Variants in ZDHHC18 observed in about 807,000 individuals in gnomAD.
ZDHHC18 encodes the protein palmitoyltransferase ZDHHC18.
In ZDHHC18, 23 loss-of-function variants were observed where a neutral mutation model predicts 37.5. The observed-to-expected ratio is 0.61, with a 90% CI of 0.44 to 0.87. The LOEUF is 0.87. Ranked by LOEUF, ZDHHC18 falls within the 40% of genes least tolerant of loss-of-function variation. The pLI is 0.00. For missense variants in ZDHHC18, 406 were observed against 525.6 expected (o/e 0.77, Z 2.22); for synonymous variants, 185 against 218.7 (o/e 0.85, Z 1.36).
rs71007896 is a variant in ZDHHC18, at chr1:26,845,320, C to CTTTTTTTTTTTT, written c.497-3267_497-3256dup. On this transcript the variant is annotated intron_variant, in intron 2 of 7. Coordinates refer to ENST00000374142, the MANE Select transcript of ZDHHC18 (RefSeq NM_032283.3). ...CTGCTCTAAAGGTTACTTCTTCATT[C>CTTTTTTTTTTTT]TTTTTTTTTTTTTTTTTTTTTTTTT... Among the ~76,000 whole-genome samples, 55 of 45,202 alleles carry CTTTTTTTTTTTT rather than the reference C, an allele frequency of 1.2e-3. 11 individuals are homozygous for CTTTTTTTTTTTT. Among genetic ancestry groups the CTTTTTTTTTTTT allele is most frequent in the Non-Finnish European group, 1.6e-3 (43 of 26,360 alleles). 29.7% of individuals were successfully genotyped at this position (45,202 alleles called of 152,430 possible). A position where few individuals can be genotyped will look rare whatever the true frequency, so the allele number is the denominator to read the frequency against.
chr1:26,852,683 C>A, intron 6 of ZDHHC18, 70 bp from the exon 7 acceptor site: 1 of 1,388,582 alleles, frequency 7.2e-7, no homozygotes, highest in South Asian at 1.2e-5. Flanking sequence ...TGTCCCCAGC[C>A]TCTAGACCTG....
chr1:26,852,055 C>T (rs1013932314), intron 6 of ZDHHC18, among the ~76,000 whole-genome samples: 1 of 152,226 alleles, frequency 6.6e-6, no homozygotes, highest in Non-Finnish European at 1.5e-5. Flanking sequence ...TTCAGGGAAA[C>T]AAAACTTCAC....
intron 2 of ZDHHC18, among the ~76,000 whole-genome samples, chr1:26,842,590 T>C (rs2124258836): frequency 6.6e-6 from 1 of 152,326 alleles, no homozygotes; most frequent in Admixed American, 6.5e-5. Context: ...ACACAACCAG[T>C]CAATGACAAA....
intron 1 of ZDHHC18, among the ~76,000 whole-genome samples, chr1:26,827,839 C>T (rs1290807546): frequency 6.6e-6 from 1 of 152,130 alleles, no homozygotes; most frequent in East Asian, 1.9e-4. Flanking sequence ...TCCAGAGCTT[C>T]CTGTCCTTCC....
chr1:26,849,782 A>G (rs2124266877), intron 3 of ZDHHC18, among the ~76,000 whole-genome samples: 1 of 152,284 alleles, frequency 6.6e-6, no homozygotes, highest in South Asian at 2.1e-4. Context: ...GTTGACTGTT[A>G]GCATGTGGTT....
intron 3 of ZDHHC18, among the ~76,000 whole-genome samples, chr1:26,849,369 A>T (rs552176865): frequency 1.5e-4 from 23 of 152,220 alleles, no homozygotes; most frequent in African/African-American, 5.5e-4. Flanking sequence ...GAAATAATGC[A>T]TGAGAGGGCC....
chr1:26,827,779 C>A (rs1227378219), intron 1 of ZDHHC18, among the ~76,000 whole-genome samples: 1 of 152,170 alleles, frequency 6.6e-6, no homozygotes, highest in Non-Finnish European at 1.5e-5. Context: ...TTCTCAAAAT[C>A]TTTGGGCCTC....
chr1:26,850,177 GGAGCCAGCT>G lies in ZDHHC18; in HGVS notation c.647-122_647-114del. ...CAGAGGCAGGTGTGTCCAAGGCCTG[GGAGCCAGCT>G]GGTGCTGCGAGAGTGAACGGGGTAG... On this transcript the variant is annotated intron_variant, in intron 3 of 7. Coordinates refer to ENST00000374142, the MANE Select transcript of ZDHHC18 (RefSeq NM_032283.3). The surrounding 1 kb of genome is among the most constrained non-coding windows in gnomAD (Gnocchi z 6.1). 1 of 1,274,108 alleles carries G rather than the reference GGAGCCAGCT, an allele frequency of 7.8e-7. No homozygotes were observed. Among genetic ancestry groups the G allele is most frequent in the East Asian group, 2.5e-5 (1 of 39,474 alleles). The allele number at this position is 1,274,108 out of a possible 1,614,324, so 78.9% of individuals were successfully genotyped here.
chr1:26,850,510 C>T lies in ZDHHC18; in HGVS notation c.785-48C>T, dbSNP rs1239975813. On this transcript the variant is annotated intron_variant, in intron 4 of 7. Transcript: ENST00000374142. This position sits in a 1 kb window ranked among gnomAD's most constrained non-coding sequence, Gnocchi z 6.1. ...AAGCTCAAGGGTCAGCAAGCTTCAGCAGTCACTGTCCCTCTGAGCTTGTCC... is the reference window on the plus strand; with the variant it reads ...AAGCTCAAGGGTCAGCAAGCTTCAGTAGTCACTGTCCCTCTGAGCTTGTCC... The T allele has an allele frequency of 1.2e-6, 2 of 1,614,196 alleles. No individual in the cohort carries two copies. The highest frequency in any genetic ancestry group is 1.7e-5 in the Admixed American group (1 of 60,014).
chr1:26,851,017 A>G (rs2081701026), intron 5 of ZDHHC18, 112 bp from the exon 6 acceptor site: 1 of 1,100,070 alleles, frequency 9.1e-7, no homozygotes, highest in Non-Finnish European at 1.4e-6. Context: ...GAAGGTTCCA[A>G]AACTTCTCAG....
At chr1:26,838,492 C>G (rs148683802) in intron 2 of ZDHHC18, among the ~76,000 whole-genome samples, 27 of 152,278 alleles carry the variant, frequency 1.8e-4, no homozygotes, top group African/African-American at 6.5e-4. Context: ...ATATTTCCCT[C>G]TGTGTTCTTG....
intron 2 of ZDHHC18, among the ~76,000 whole-genome samples, chr1:26,836,293 T>A (rs1163114030): frequency 2.0e-5 from 3 of 152,156 alleles, no homozygotes; most frequent in Admixed American, 2.0e-4. Context: ...CTCCAGGACG[T>A]CTCTGCCCAC....
intron 2 of ZDHHC18, among the ~76,000 whole-genome samples, chr1:26,847,848 C>G (rs990539515): frequency 3.3e-5 from 5 of 152,038 alleles, no homozygotes; most frequent in Non-Finnish European, 5.9e-5. Flanking sequence ...CACCCGACCT[C>G]CTCTCTCTTT....
At chr1:26,830,518 TACAGTAACTATCTGTACATAGC>T (rs1557639625) in intron 1 of ZDHHC18, among the ~76,000 whole-genome samples, 2 of 152,106 alleles carry the variant, frequency 1.3e-5, no homozygotes, top group Non-Finnish European at 1.5e-5. Context: ...ATCTACATAG[TACAGTAACTATCTGTACATAGC>T]ACAGTAACTA....
In ZDHHC18 at chr1:26,853,800, G is replaced by A. The variant is rs771719136; in HGVS notation, c.1124G>A (p.Cys375Tyr). ...CCCATCAGAAGCGATGAGCCAGCCT[G>A]CAGAGCCAAGCCTGATGCCAGCATG... ...PSPIRSDEPA[C>Y]RAKPDASMVG... The change falls in exon 8 of 8, where the codon TGC becomes TAC. Residue 375 changes from cysteine to tyrosine, a missense_variant. By Grantham distance (194) the Cys-to-Tyr change is radical. Transcript: ENST00000374142. 3.7e-6 allele frequency: 6 copies of A among 1,613,932 alleles called. No individual in the cohort carries two copies. Among genetic ancestry groups the A allele is most frequent in the South Asian group, 1.1e-5 (1 of 91,082 alleles).
intron 1 of ZDHHC18, among the ~76,000 whole-genome samples, 157 bp from the exon 2 acceptor site, chr1:26,832,290 T>G (rs1480573145): frequency 6.6e-6 from 1 of 152,188 alleles, no homozygotes; most frequent in South Asian, 2.1e-4. Flanking sequence ...GGGGAGTGGC[T>G]GCACTCATCA....
intron 2 of ZDHHC18, among the ~76,000 whole-genome samples, chr1:26,840,562 C>T (rs2081632619): frequency 6.6e-6 from 1 of 150,818 alleles, no homozygotes; most frequent in African/African-American, 2.4e-5. Flanking sequence ...CTGCCTCAGC[C>T]TCCCGAGTAG....
chr1:26,850,480 C>T lies in ZDHHC18; in HGVS notation c.784+42C>T. ...GGCAGTGGGGAGTGGAAGGGGTCAGCCAGCAAGCTCAAGGGTCAGCAAGCT... is the reference window on the plus strand; with the variant it reads ...GGCAGTGGGGAGTGGAAGGGGTCAGTCAGCAAGCTCAAGGGTCAGCAAGCT... On this transcript the variant is annotated intron_variant, in intron 4 of 7. Coordinates refer to ENST00000374142, the MANE Select transcript of ZDHHC18 (RefSeq NM_032283.3). The surrounding 1 kb of genome is among the most constrained non-coding windows in gnomAD (Gnocchi z 6.1). 6.2e-7 allele frequency: 1 copy of T among 1,614,216 alleles called. No individual in the cohort carries two copies. Among genetic ancestry groups the T allele is most frequent in the Non-Finnish European group, 8.5e-7 (1 of 1,180,020 alleles).
In ZDHHC18 at chr1:26,841,920, G is replaced by A. The variant is rs531605975; in HGVS notation, c.497-6688G>A. On this transcript the variant is annotated intron_variant, in intron 2 of 7. Coordinates refer to ENST00000374142, the MANE Select transcript of ZDHHC18 (RefSeq NM_032283.3). ...GGAGGCCAAGGTGGGTGGATCATGA[G>A]GTCAGGAGTTCAAGACCAGCCTGGC... is the stretch of plus-strand genomic sequence containing the variant. Among the ~76,000 whole-genome samples, 5 of 152,230 alleles carry A rather than the reference G, an allele frequency of 3.3e-5. No individual in the cohort carries two copies. In the East Asian group the frequency reaches 7.7e-4, roughly 24 times the overall value.
Sources: gnomAD v4.1 joint callset for allele counts (sites outside exome capture counted in the v4.1 genomes callset) on GRCh38, gnomAD v4.1.1 for gene constraint, Gnocchi (gnomAD v3.1) non-coding constraint, MANE v1.5 for transcripts, NCBI Gene and HGNC (gene_info 2026-07-23, HGNC 2026-07-21) for gene names.